Variants in NEGR1 observed in about 807,000 individuals in gnomAD.
NEGR1 encodes neuronal growth regulator 1, also known as IgLON family member 4.
A neutral mutation model predicts 40.9 loss-of-function variants in NEGR1; 10 were observed. That is an observed-to-expected ratio of 0.24 (90% CI 0.15 to 0.42). The LOEUF is 0.42. Among genes scored for constraint, NEGR1 ranks in the 10% least tolerant of loss-of-function variants. NEGR1 has a pLI of 1.00. For missense variants in NEGR1, 352 were observed against 438.9 expected (o/e 0.80, Z 1.77); for synonymous variants, 185 against 166.8 (o/e 1.11, Z -0.84).
At chr1:71,772,353 A>C (rs1656357674) in intron 3 of NEGR1, among the ~76,000 whole-genome samples, 1 of 152,050 alleles carries the variant, frequency 6.6e-6, no homozygotes. Flanking sequence ...GCAAGGAGCC[A>C]AGATCACACC....
At chr1:72,257,130 G>A (rs111367900) in intron 1 of NEGR1, among the ~76,000 whole-genome samples, 66 of 151,964 alleles carry the variant, frequency 4.3e-4, no homozygotes, top group African/African-American at 1.4e-3. Context: ...AGACCATCCC[G>A]GCTAAAACGG....
intron 6 of NEGR1, among the ~76,000 whole-genome samples, chr1:71,533,703 T>C (rs1647429092): frequency 1.3e-5 from 2 of 151,836 alleles, no homozygotes; most frequent in South Asian, 4.1e-4. Context: ...TATATAGTTG[T>C]ATTTAAGATT....
chr1:71,624,120 C>T (rs994034566), intron 4 of NEGR1, among the ~76,000 whole-genome samples: 2 of 151,898 alleles, frequency 1.3e-5, no homozygotes, highest in African/African-American at 4.8e-5. Context: ...TTACTGCTCT[C>T]ATCCTGCAAA....
At chr1:72,078,965 C>T (rs955268579) in intron 1 of NEGR1, among the ~76,000 whole-genome samples, 5 of 151,306 alleles carry the variant, frequency 3.3e-5, no homozygotes, top group African/African-American at 1.2e-4. Context: ...TAACTATCTC[C>T]ATTTCAACAT....
Position 71,560,401 on chromosome 1 carries a change from T to C in NEGR1, c.940+32416A>G, listed in dbSNP as rs1220832188. ...TGATGCCCATTATGTATGACCTTAA[T>C]ATAACCCAGGCCCTGTGTAATTCTC... On this transcript the variant is annotated intron_variant, in intron 6 of 6. Transcript: ENST00000357731. Among the ~76,000 whole-genome samples the C allele has an allele frequency of 2.1e-5, 3 of 142,090 alleles. No homozygotes were observed. The East Asian group carries it at 6.4e-4, about 30-fold the overall frequency. The allele number at this position is 142,090 out of a possible 152,430, so 93.2% of individuals were successfully genotyped here.
chr1:72,122,761 AG>A (rs1229711114), intron 1 of NEGR1, among the ~76,000 whole-genome samples: 1 of 151,886 alleles, frequency 6.6e-6, no homozygotes, highest in Non-Finnish European at 1.5e-5. Context: ...ATACTATCTA[AG>A]TGTACAAAAA....
At chr1:71,764,568 A>G (rs754312643) in intron 3 of NEGR1, among the ~76,000 whole-genome samples, 4 of 152,210 alleles carry the variant, frequency 2.6e-5, no homozygotes, top group Non-Finnish European at 4.4e-5. Context: ...CGCAACATCA[A>G]CAAGGCATTT....
chr1:71,709,867 G>T (rs1387239402), intron 3 of NEGR1, among the ~76,000 whole-genome samples: 1 of 152,146 alleles, frequency 6.6e-6, no homozygotes, highest in Non-Finnish European at 1.5e-5. Flanking sequence ...ATGGACAAAT[G>T]AGATCACATC....
intron 2 of NEGR1, among the ~76,000 whole-genome samples, chr1:71,803,841 G>C (rs1201337545): frequency 1.3e-5 from 2 of 151,912 alleles, no homozygotes; most frequent in African/African-American, 4.8e-5. Context: ...AGAAATTTTT[G>C]TTGATCTTGG....
At chr1:71,527,757 TTGA>T (rs1647238719) in intron 6 of NEGR1, among the ~76,000 whole-genome samples, 1 of 151,460 alleles carries the variant, frequency 6.6e-6, no homozygotes, top group East Asian at 2.0e-4. Context: ...AGCATAGAAC[TTGA>T]TGATACAATT....
intron 1 of NEGR1, among the ~76,000 whole-genome samples, chr1:72,250,389 T>A (rs1253630875): frequency 6.6e-6 from 1 of 152,140 alleles, no homozygotes; most frequent in Non-Finnish European, 1.5e-5. Flanking sequence ...AAAACTATTT[T>A]AAGCTTAACA....
In NEGR1 at chr1:71,856,784, G is replaced by A. The variant is rs538996630; in HGVS notation, c.409+78295C>T. On this transcript the variant is annotated intron_variant, in intron 2 of 6. Coordinates refer to ENST00000357731, the MANE Select transcript of NEGR1 (RefSeq NM_173808.3). Reference sequence around the variant, plus strand: ...TTTCAGCTGCTCTATGAAACATTCAGGATCTAAAGGAAACCCTTCATGCCA... The same window carrying A: ...TTTCAGCTGCTCTATGAAACATTCAAGATCTAAAGGAAACCCTTCATGCCA... Among the ~76,000 whole-genome samples, 6 of 152,096 alleles carry A rather than the reference G, an allele frequency of 3.9e-5. No homozygotes were observed. The South Asian group carries it at 1.2e-3, about 32-fold the overall frequency.
chr1:71,592,707 C>T (rs1354971214), intron 6 of NEGR1, 110 bp downstream of exon 6: 3 of 779,226 alleles, frequency 3.8e-6, no homozygotes, highest in African/African-American at 3.4e-5. Context: ...GAATGTGTCA[C>T]ATCAGGTTGA....
intron 1 of NEGR1, among the ~76,000 whole-genome samples, chr1:72,110,828 AT>A (rs1198821469): frequency 6.6e-6 from 1 of 151,502 alleles, no homozygotes; most frequent in Non-Finnish European, 1.5e-5. Context: ...AAGATTTGTG[AT>A]TTTCCACATA....
chr1:71,751,664 A>G (rs1306015457), intron 3 of NEGR1, among the ~76,000 whole-genome samples: 1 of 152,046 alleles, frequency 6.6e-6, no homozygotes, highest in Non-Finnish European at 1.5e-5. Flanking sequence ...CTGTCAATCA[A>G]TGGAAGCCCA....
At chr1:71,971,268 A>G (rs1204643255) in intron 1 of NEGR1, among the ~76,000 whole-genome samples, 1 of 152,206 alleles carries the variant, frequency 6.6e-6, no homozygotes, top group Non-Finnish European at 1.5e-5. Context: ...CTTCAAGAGA[A>G]CATTTAATAT....
At chr1:72,282,213 A>T in intron 1 of NEGR1, 106 bp downstream of exon 1, 2 of 1,279,368 alleles carry the variant, frequency 1.6e-6, no homozygotes, top group Non-Finnish European at 2.2e-6. Flanking sequence ...TTCCATGATG[A>T]GCACCACCAG....
At chr1:71,852,512 C>T (rs1044528591) in intron 2 of NEGR1, among the ~76,000 whole-genome samples, 8 of 152,232 alleles carry the variant, frequency 5.3e-5, no homozygotes, top group Non-Finnish European at 1.0e-4. Context: ...ATCTCTAGCA[C>T]TCCTGATTGT....
At chr1:71,950,392 A>G (rs1329966732) in intron 1 of NEGR1, among the ~76,000 whole-genome samples, 1 of 152,100 alleles carries the variant, frequency 6.6e-6, no homozygotes, top group Non-Finnish European at 1.5e-5. Context: ...GAAAGAAAAA[A>G]GAATGCAAAT....
Sources: allele counts gnomAD v4.1 joint callset (sites outside exome capture counted in the v4.1 genomes callset), GRCh38; gene constraint gnomAD v4.1.1; transcripts MANE v1.5; gene names NCBI Gene and HGNC (gene_info 2026-07-23, HGNC 2026-07-21).